Variants in B3GALT1 observed in about 807,000 individuals in gnomAD.
B3GALT1 encodes the protein beta-1,3-galactosyltransferase 1, also known as UDP-Gal:betaGlcNAc beta 1,3-galactosyltransferase, polypeptide 1.
In B3GALT1, 10 loss-of-function variants were observed where a neutral mutation model predicts 23.2. The observed-to-expected ratio is 0.43, with a 90% CI of 0.27 to 0.73. The LOEUF (loss-of-function observed/expected upper bound fraction) is 0.73. Among genes scored for constraint, B3GALT1 ranks in the 30% least tolerant of loss-of-function variants. The pLI is 0.21. For synonymous variants in B3GALT1, 156 were observed against 141.5 expected (o/e 1.10, Z -0.73); for missense variants, 299 against 405.4 (o/e 0.74, Z 2.25).
At chr2:167,724,926 A>C (rs1687287314) in intron 3 of B3GALT1, among the ~76,000 whole-genome samples, 1 of 152,238 alleles carries the variant, frequency 6.6e-6, no homozygotes, top group African/African-American at 2.4e-5. Flanking sequence ...GCTCCAGAAA[A>C]GACAATACCT....
At chr2:167,609,848 A>G (rs1434053586) in intron 2 of B3GALT1, among the ~76,000 whole-genome samples, 6 of 152,078 alleles carry the variant, frequency 3.9e-5, no homozygotes, top group African/African-American at 1.2e-4. Flanking sequence ...GTTTACCACA[A>G]TGGTGTAAGT....
intron 4 of B3GALT1, among the ~76,000 whole-genome samples, chr2:167,853,039 A>G (rs116965584): frequency 9.8e-5 from 15 of 152,324 alleles, no homozygotes; most frequent in East Asian, 7.7e-4. Flanking sequence ...AAATTAACCT[A>G]TTGATTGAGT....
intron 1 of B3GALT1, among the ~76,000 whole-genome samples, chr2:167,305,518 A>G (rs1344050428): frequency 6.6e-6 from 1 of 152,158 alleles, no homozygotes; most frequent in Non-Finnish European, 1.5e-5. Context: ...TTGCTAATTT[A>G]AAATGTATGT....
At chr2:167,790,974 T>G (rs1688429316) in intron 3 of B3GALT1, among the ~76,000 whole-genome samples, 1 of 152,220 alleles carries the variant, frequency 6.6e-6, no homozygotes, top group South Asian at 2.1e-4. Context: ...AGTTGCCCTT[T>G]TATGTTGATA....
chr2:167,571,075 C>T (rs1177283116), intron 2 of B3GALT1, among the ~76,000 whole-genome samples: 2 of 151,944 alleles, frequency 1.3e-5, no homozygotes, highest in Non-Finnish European at 2.9e-5. Context: ...ATTCTATCTT[C>T]AAGAAACACA....
At chr2:167,813,355 C>G (rs1370057514) in intron 3 of B3GALT1, among the ~76,000 whole-genome samples, 2 of 152,118 alleles carry the variant, frequency 1.3e-5, no homozygotes, top group East Asian at 3.9e-4. Flanking sequence ...TTTCTGTCTT[C>G]TTTGATGCTT....
At chr2:167,537,667 C>T (rs900206552) in intron 2 of B3GALT1, among the ~76,000 whole-genome samples, 2 of 152,076 alleles carry the variant, frequency 1.3e-5, no homozygotes, top group Non-Finnish European at 2.9e-5. Context: ...CAAATTCCCT[C>T]AACTGTACCT....
At chr2:167,453,042 A>G (rs1699112039) in intron 1 of B3GALT1, among the ~76,000 whole-genome samples, 1 of 152,214 alleles carries the variant, frequency 6.6e-6, no homozygotes, top group African/African-American at 2.4e-5. Context: ...CAAGTAAAGT[A>G]TATATCTTTG....
intron 2 of B3GALT1, among the ~76,000 whole-genome samples, chr2:167,584,710 C>T (rs898604883): frequency 1.8e-4 from 27 of 152,102 alleles, no homozygotes; most frequent in Non-Finnish European, 2.9e-5. Flanking sequence ...GACTAATTTG[C>T]TAGAGTGACT....
At chr2:167,827,241 A>G (rs1306414974) in intron 4 of B3GALT1, among the ~76,000 whole-genome samples, 1 of 152,194 alleles carries the variant, frequency 6.6e-6, no homozygotes, top group Non-Finnish European at 1.5e-5. Context: ...CTGCCAGTTA[A>G]AGAAACAAGG....
intron 1 of B3GALT1, among the ~76,000 whole-genome samples, chr2:167,352,485 G>C (rs1288906199): frequency 6.6e-6 from 1 of 150,892 alleles, no homozygotes; most frequent in South Asian, 2.1e-4. Context: ...ACTCTGGAAG[G>C]CCGAGGTGGG....
chr2:167,784,730 T>C (rs1688313151), intron 3 of B3GALT1, among the ~76,000 whole-genome samples: 1 of 152,190 alleles, frequency 6.6e-6, no homozygotes, highest in African/African-American at 2.4e-5. Flanking sequence ...AGAAAGCCTA[T>C]GTAAAACAAT....
chr2:167,690,499 A>T (rs992353635), intron 3 of B3GALT1, among the ~76,000 whole-genome samples: 1 of 152,122 alleles, frequency 6.6e-6, no homozygotes, highest in African/African-American at 2.4e-5. Flanking sequence ...TTTTTGGTGC[A>T]GATTTTCTAT....
At chr2:167,803,935 C>CT (rs1688693321) in intron 3 of B3GALT1, among the ~76,000 whole-genome samples, 2 of 152,082 alleles carry the variant, frequency 1.3e-5, no homozygotes. Context: ...TTTATGACGA[C>CT]TTTTTTCCAG....
chr2:167,777,271 A>G (rs1315484597), intron 3 of B3GALT1, among the ~76,000 whole-genome samples: 1 of 152,234 alleles, frequency 6.6e-6, no homozygotes, highest in Non-Finnish European at 1.5e-5. Context: ...TTATCAATAT[A>G]TCAATTATGA....
chr2:167,622,487 C>G (rs537652033), intron 2 of B3GALT1, among the ~76,000 whole-genome samples: 1 of 151,942 alleles, frequency 6.6e-6, no homozygotes, highest in Non-Finnish European at 1.5e-5. Flanking sequence ...ATCTAATGAC[C>G]GAATTAACCA....
At chr2:167,660,815 T>A (rs1409178843) in intron 3 of B3GALT1, among the ~76,000 whole-genome samples, 1 of 152,118 alleles carries the variant, frequency 6.6e-6, no homozygotes, top group African/African-American at 2.4e-5. Flanking sequence ...GATTGTACGA[T>A]TGCATTGCAT....
At chr2:167,457,915 C>A (rs1259972604) in intron 1 of B3GALT1, among the ~76,000 whole-genome samples, 3 of 152,180 alleles carry the variant, frequency 2.0e-5, no homozygotes, top group African/African-American at 7.2e-5. Context: ...ACAGAAGATT[C>A]TGTACACACT....
intron 1 of B3GALT1, among the ~76,000 whole-genome samples, chr2:167,399,043 T>A (rs1364427808): frequency 6.6e-6 from 1 of 152,204 alleles, no homozygotes; most frequent in Non-Finnish European, 1.5e-5. Context: ...CAAACTGCCA[T>A]GGCCATGTCT....
Sources: gnomAD v4.1 joint callset for allele counts (sites outside exome capture counted in the v4.1 genomes callset) on GRCh38, gnomAD v4.1.1 for gene constraint, MANE v1.5 for transcripts, NCBI Gene and HGNC (gene_info 2026-07-23, HGNC 2026-07-21) for gene names.